ERICH5: variants seen among roughly 807,000 people sequenced by gnomAD.
ERICH5 encodes glutamate rich 5, also known as glutamate-rich protein 5.
A neutral mutation model predicts 28.0 loss-of-function variants in ERICH5; 24 were observed. The ratio of observed to expected loss-of-function variants is 0.86; its 90% CI spans 0.62 to 1.21. ERICH5 has a LOEUF of 1.21. Ranked by LOEUF, ERICH5 falls within the 50% of genes most tolerant of loss-of-function variation. ERICH5 has a pLI of 0.00. For missense variants in ERICH5, 421 were observed against 441.2 expected (o/e 0.95, Z 0.41); for synonymous variants, 163 against 157.6 (o/e 1.03, Z -0.25).
chr8:98,091,828 CTTTTTCTTTTTCTT>C (rs1242481615), intron 2 of ERICH5, among the ~76,000 whole-genome samples: 1 of 148,796 alleles, frequency 6.7e-6, no homozygotes, highest in African/African-American at 2.5e-5. Context: ...CTTTTTCTTT[CTTTTTCTTTTTCTT>C]TCTTTCTTTC....
At chr8:98,088,472 C>T (rs6998576) in intron 1 of ERICH5, among the ~76,000 whole-genome samples, 1,524 of 152,270 alleles carry the variant, frequency 0.01, 37 homozygotes, top group African/African-American at 0.035. Flanking sequence ...ACTGTGCCCC[C>T]CAAATGACAT....
rs1396654729 is a variant in ERICH5 at position 98,079,212 on chromosome 8, C to T, written c.59-9864C>T. On this transcript the variant is annotated intron_variant, in intron 1 of 2. Transcript: ENST00000318528. Reference sequence around the variant, plus strand: ...TTGAGACAGGGTCTCTGTCTGTTGCCCAGGCTGGAATGCAGTGGCGCAATC... The same window carrying T: ...TTGAGACAGGGTCTCTGTCTGTTGCTCAGGCTGGAATGCAGTGGCGCAATC... Among the ~76,000 whole-genome samples, 11 of 142,146 alleles carry T rather than the reference C, an allele frequency of 7.7e-5. No individual in the cohort carries two copies. The East Asian group carries it at 2.5e-3, about 32-fold the overall frequency. The allele number at this position is 142,146 out of a possible 152,430, so 93.3% of individuals were successfully genotyped here.
At chr8:98,092,528 C>A (rs1815426211) in intron 2 of ERICH5, among the ~76,000 whole-genome samples, 1 of 152,180 alleles carries the variant, frequency 6.6e-6, no homozygotes, top group African/African-American at 2.4e-5. Context: ...TGGTCTTGAA[C>A]TCCTGGCCTC....
At chr8:98,078,190 A>G (rs1362086945) in intron 1 of ERICH5, among the ~76,000 whole-genome samples, 1 of 152,214 alleles carries the variant, frequency 6.6e-6, no homozygotes. Flanking sequence ...ACATGCTTTG[A>G]TGTGGGAAAA....
Position 98,064,632 on chromosome 8 carries a change from C to A in ERICH5, c.-38C>A. The A allele has an allele frequency of 1.4e-6, 2 of 1,477,292 alleles. No individual in the cohort carries two copies. The highest frequency in any genetic ancestry group is 1.8e-6 in the Non-Finnish European group (2 of 1,105,634). 91.5% of individuals were successfully genotyped at this position (1,477,292 alleles called of 1,614,324 possible). On this transcript the variant is annotated 5_prime_UTR_variant, in exon 1 of 3. Transcript: ENST00000318528. ...TTCGGTTCCCGGTTCCGGGCCGACA[C>A]CCGCGCAGGGCTGAGACAGGTGTCT... is the stretch of plus-strand genomic sequence containing the variant.
Position 98,093,569 on chromosome 8 carries a change from G to C in ERICH5, c.*236G>C. The C allele has an allele frequency of 3.2e-6, 1 of 313,558 alleles. No homozygotes were observed. Among genetic ancestry groups the C allele is most frequent in the Non-Finnish European group, 5.8e-6 (1 of 172,402 alleles). The allele number at this position is 313,558 out of a possible 1,614,324, so 19.4% of individuals were successfully genotyped here. On this transcript the variant is annotated 3_prime_UTR_variant, in exon 3 of 3. Coordinates refer to ENST00000318528, the MANE Select transcript of ERICH5 (RefSeq NM_173549.3). Reference sequence around the variant, plus strand: ...ACTTAGAATGGTTATACATTTAAAAGTATAAAAACCAAAGCCAATAAAAAT... The same window carrying C: ...ACTTAGAATGGTTATACATTTAAAACTATAAAAACCAAAGCCAATAAAAAT...
intron 2 of ERICH5, among the ~76,000 whole-genome samples, chr8:98,091,911 TTC>T (rs1586209317): frequency 9.8e-6 from 1 of 102,250 alleles, no homozygotes; most frequent in Non-Finnish European, 1.9e-5. Context: ...CTTTCTTTCT[TTC>T]TTTCTTCCTT....
At chr8:98,073,530 A>G (rs1345411589) in intron 1 of ERICH5, among the ~76,000 whole-genome samples, 2 of 27,850 alleles carry the variant, frequency 7.2e-5, no homozygotes, top group African/African-American at 3.6e-4. Flanking sequence ...ATATATATAT[A>G]TATATATATA....
At chr8:98,083,977 C>T (rs1209477734) in intron 1 of ERICH5, among the ~76,000 whole-genome samples, 1 of 152,134 alleles carries the variant, frequency 6.6e-6, no homozygotes, top group Non-Finnish European at 1.5e-5. Flanking sequence ...AACTCCTGGG[C>T]TCAAGTGATC....
At chr8:98,091,243 T>C (rs375993402) in intron 2 of ERICH5, among the ~76,000 whole-genome samples, 2 of 152,340 alleles carry the variant, frequency 1.3e-5, no homozygotes, top group East Asian at 3.9e-4. Context: ...GCCAATTCTT[T>C]CATTTATTAA....
chr8:98,082,007 G>C (rs758504382), intron 1 of ERICH5, among the ~76,000 whole-genome samples: 1 of 152,042 alleles, frequency 6.6e-6, no homozygotes. Context: ...TCCTCTTAGA[G>C]CAGATTTGTC....
Position 98,064,633 on chromosome 8 carries a change from C to T in ERICH5, c.-37C>T. On this transcript the variant is annotated 5_prime_UTR_variant, in exon 1 of 3. Transcript: ENST00000318528. ...TCGGTTCCCGGTTCCGGGCCGACAC[C>T]CGCGCAGGGCTGAGACAGGTGTCTG... The T allele has an allele frequency of 4.1e-6, 6 of 1,478,526 alleles. No homozygotes were observed. Among genetic ancestry groups the T allele is most frequent in the Non-Finnish European group, 5.4e-6 (6 of 1,106,460 alleles). The allele number at this position is 1,478,526 out of a possible 1,614,324, so 91.6% of individuals were successfully genotyped here.
At chr8:98,071,340 T>C (rs1171072252) in intron 1 of ERICH5, among the ~76,000 whole-genome samples, 2 of 152,220 alleles carry the variant, frequency 1.3e-5, no homozygotes, top group Non-Finnish European at 2.9e-5. Context: ...GTGTACAGTT[T>C]CACTTCTATG....
chr8:98,085,107 C>T (rs1348775339), intron 1 of ERICH5, among the ~76,000 whole-genome samples: 2 of 123,854 alleles, frequency 1.6e-5, no homozygotes, highest in South Asian at 2.7e-4. Flanking sequence ...ATTACTGGGT[C>T]GTATTCCCTG....
At chr8:98,069,408 GTTTA>G (rs1160517613) in intron 1 of ERICH5, among the ~76,000 whole-genome samples, 6 of 151,090 alleles carry the variant, frequency 4.0e-5, no homozygotes, top group Non-Finnish European at 5.9e-5. Context: ...TTCTTTTGAA[GTTTA>G]TTTATGCATT....
At chr8:98,077,749 C>A (rs1244172973) in intron 1 of ERICH5, among the ~76,000 whole-genome samples, 2 of 151,976 alleles carry the variant, frequency 1.3e-5, no homozygotes, top group African/African-American at 4.8e-5. Context: ...CTTTTTCTTT[C>A]TGTAGAGATG....
intron 1 of ERICH5, among the ~76,000 whole-genome samples, chr8:98,082,514 G>C (rs561222384): frequency 6.6e-6 from 1 of 151,922 alleles, no homozygotes; most frequent in African/African-American, 2.4e-5. Context: ...GTGTGGTGGC[G>C]CATGCCTATA....
chr8:98,076,388 G>C (rs892679340), intron 1 of ERICH5, among the ~76,000 whole-genome samples: 2 of 116,966 alleles, frequency 1.7e-5, no homozygotes, highest in Non-Finnish European at 3.6e-5. Flanking sequence ...AAATTAGAAG[G>C]CCTTTTTTTT....
Position 98,089,495 on chromosome 8 carries a change from C to T in ERICH5, c.478C>T (p.Pro160Ser). ...TTTAGGACCAGAAGCCAAGGGTCAG[C>T]CTTTGCAGGCAGCAGTAGAGAAGGA... The part of the protein sequence containing the change: ...QPLGPEAKGQ[P>S]LQAAVEKDSL... Residue 160 changes from proline (P) to serine (S), a missense_variant, in exon 2 of 3, where the codon CCT becomes TCT. By Grantham distance (74) the Pro-to-Ser change is moderately conservative. Coordinates refer to ENST00000318528, the MANE Select transcript of ERICH5 (RefSeq NM_173549.3). 2 of 1,614,182 alleles carry T rather than the reference C, an allele frequency of 1.2e-6. No individual in the cohort carries two copies. Among genetic ancestry groups the T allele is most frequent in the Middle Eastern group, 1.6e-4 (1 of 6,062 alleles).
Sources: gnomAD v4.1 joint callset for allele counts (sites outside exome capture counted in the v4.1 genomes callset) on GRCh38, gnomAD v4.1.1 for gene constraint, MANE v1.5 for transcripts, NCBI Gene and HGNC (gene_info 2026-07-23, HGNC 2026-07-21) for gene names.